Variants in GGNBP2 observed in about 807,000 individuals in gnomAD.
The protein encoded by GGNBP2 is gametogenetin-binding protein 2.
In GGNBP2, 10 loss-of-function variants were observed where a neutral mutation model predicts 85.9. The ratio of observed to expected loss-of-function variants is 0.12; its 90% CI spans 0.07 to 0.20. The LOEUF is 0.20. Ranked by LOEUF, GGNBP2 falls within the 10% of genes least tolerant of loss-of-function variation. The pLI is 1.00. For synonymous variants in GGNBP2, 287 were observed against 285.7 expected, an observed-to-expected ratio of 1.00 and a Z score of -0.05; for missense variants, 595 against 857.8, an observed-to-expected ratio of 0.69 and a Z score of 3.83.
chr17:36,571,759 C>T (rs1276076530), intron 6 of GGNBP2, among the ~76,000 whole-genome samples: 1 of 152,126 alleles, frequency 6.6e-6, no homozygotes, highest in East Asian at 1.9e-4. Context: ...AGGAGAATGG[C>T]GTGAACCGAG....
At chr17:36,569,775 A>G (rs2074504721) in intron 6 of GGNBP2, among the ~76,000 whole-genome samples, 1 of 152,218 alleles carries the variant, frequency 6.6e-6, no homozygotes, top group Non-Finnish European at 1.5e-5. Context: ...TTCCTCTTTA[A>G]ATATGAATTG....
At chr17:36,545,862 T>G in intron 2 of GGNBP2, 45 bp downstream of exon 2, 1 of 1,370,466 alleles carries the variant, frequency 7.3e-7, no homozygotes, top group East Asian at 2.5e-5. Context: ...CCCTGGCAGC[T>G]GTTTCCCCTC....
intron 2 of GGNBP2, among the ~76,000 whole-genome samples, chr17:36,549,207 G>GT (rs554924934): frequency 0.011 from 1,580 of 146,702 alleles, 3 homozygotes; most frequent in Non-Finnish European, 0.013. Flanking sequence ...AAGAATTAAA[G>GT]TTTTTTTTTT....
intron 3 of GGNBP2, among the ~76,000 whole-genome samples, chr17:36,556,752 T>C (rs1338289700): frequency 9.0e-5 from 4 of 44,598 alleles, no homozygotes; most frequent in African/African-American, 3.5e-4. Context: ...TGTATTGTGC[T>C]TTTTTTTTTT....
chr17:36,572,051 GA>G (rs34975954), intron 6 of GGNBP2, among the ~76,000 whole-genome samples: 16 of 146,564 alleles, frequency 1.1e-4, no homozygotes, highest in South Asian at 8.6e-4. Flanking sequence ...ACTCTGTCTC[GA>G]AAAAAAAAAG....
intron 2 of GGNBP2, among the ~76,000 whole-genome samples, chr17:36,553,205 A>T (rs1331566318): frequency 2.6e-5 from 4 of 152,204 alleles, no homozygotes; most frequent in Non-Finnish European, 4.4e-5. Context: ...CTACCTAGAG[A>T]TAGCCACATC....
intron 2 of GGNBP2, chr17:36,546,178 G>A: frequency 2.5e-6 from 1 of 395,762 alleles, no homozygotes; most frequent in Non-Finnish European, 4.5e-6. Flanking sequence ...ACCTACCCTC[G>A]GGGAGGCTTA....
chr17:36,584,393 G>A (rs566385135), intron 9 of GGNBP2, among the ~76,000 whole-genome samples: 10 of 152,078 alleles, frequency 6.6e-5, no homozygotes, highest in South Asian at 2.1e-4. Flanking sequence ...AGTGGAGTGC[G>A]GTGGTGTGAT....
intron 2 of GGNBP2, among the ~76,000 whole-genome samples, chr17:36,550,230 G>T (rs537420036): frequency 4.6e-5 from 7 of 152,220 alleles, no homozygotes; most frequent in African/African-American, 1.7e-4. Context: ...GAGCCAATGC[G>T]CCCGGCCAGA....
intron 9 of GGNBP2, among the ~76,000 whole-genome samples, chr17:36,584,381 A>G (rs370108146): frequency 5.7e-4 from 87 of 152,054 alleles, no homozygotes; most frequent in Middle Eastern, 6.8e-3. Context: ...TCTGTCGCCC[A>G]CAGTGGAGTG....
At chr17:36,574,483 C>T in intron 6 of GGNBP2, 1 of 281,664 alleles carries the variant, frequency 3.6e-6, no homozygotes, top group Non-Finnish European at 6.7e-6. Flanking sequence ...CAGCTGGAGC[C>T]TGGGTCCTCT....
chr17:36,550,900 T>C (rs543320292), intron 2 of GGNBP2, among the ~76,000 whole-genome samples: 47 of 152,370 alleles, frequency 3.1e-4, no homozygotes, highest in African/African-American at 1.1e-3. Flanking sequence ...GCTACTAGCC[T>C]CTTTGCCTTC....
intron 1 of GGNBP2, 37 bp from the exon 2 acceptor site, chr17:36,545,582 G>C (rs1235778625): frequency 9.4e-6 from 6 of 638,898 alleles, no homozygotes; most frequent in Non-Finnish European, 2.8e-6. Flanking sequence ...GCTGCGCAGC[G>C]GCGGGTGCTT....
chr17:36,589,787 A>C lies in GGNBP2; in HGVS notation c.*376A>C. Reference sequence around the variant, plus strand: ...ATCCACTTGCAAAATGTTTGGATGTAATGTTAAAGCGCAATGTGCAAAATT... The same window carrying C: ...ATCCACTTGCAAAATGTTTGGATGTCATGTTAAAGCGCAATGTGCAAAATT... On this transcript the variant is annotated 3_prime_UTR_variant, in exon 14 of 14. Transcript: ENST00000613102. The C allele has an allele frequency of 4.8e-6, 1 of 206,680 alleles. No homozygotes were observed. The allele number at this position is 206,680 out of a possible 1,614,324, so 12.8% of individuals were successfully genotyped here. A position where few individuals can be genotyped will look rare whatever the true frequency, so the allele number is the denominator to read the frequency against.
intron 9 of GGNBP2, among the ~76,000 whole-genome samples, chr17:36,584,952 CAAA>C (rs34371498): frequency 1.6e-4 from 20 of 122,148 alleles, no homozygotes; most frequent in East Asian, 2.4e-4. Context: ...AGACCGTACT[CAAA>C]AAAAAAAAAA....
At chr17:36,570,491 G>C (rs990999163) in intron 6 of GGNBP2, among the ~76,000 whole-genome samples, 2 of 152,214 alleles carry the variant, frequency 1.3e-5, no homozygotes, top group Non-Finnish European at 2.9e-5. Flanking sequence ...CCTGAGGTCA[G>C]AAGTTCAAGA....
intron 6 of GGNBP2, among the ~76,000 whole-genome samples, chr17:36,573,244 C>T (rs1464242381): frequency 1.3e-5 from 2 of 152,006 alleles, no homozygotes; most frequent in African/African-American, 4.8e-5. Context: ...TCCTGAGTAG[C>T]TGGGATTACA....
intron 2 of GGNBP2, among the ~76,000 whole-genome samples, 154 bp from the exon 3 acceptor site, chr17:36,554,666 G>A (rs947498976): frequency 6.6e-6 from 1 of 151,942 alleles, no homozygotes; most frequent in African/African-American, 2.4e-5. Flanking sequence ...GTGAGCCACC[G>A]CACCAGGCCA....
At chr17:36,552,122 T>C (rs976507756) in intron 2 of GGNBP2, among the ~76,000 whole-genome samples, 7 of 152,238 alleles carry the variant, frequency 4.6e-5, no homozygotes, top group Non-Finnish European at 1.0e-4. Flanking sequence ...CAAATGAAAA[T>C]ATAAATCAAG....
Sources: gnomAD v4.1 joint callset for allele counts (sites outside exome capture counted in the v4.1 genomes callset) on GRCh38, gnomAD v4.1.1 for gene constraint, MANE v1.5 for transcripts, NCBI Gene and HGNC (gene_info 2026-07-23, HGNC 2026-07-21) for gene names.